The following DRC9 variants were observed in gnomAD, a reference collection of about 807,000 sequenced individuals.
DRC9 encodes the protein dynein regulatory complex subunit 9.
At chr3:197,941,156 CTCCT>C in the DRC9 span, among the ~76,000 whole-genome samples, 4 of 147,304 alleles carry the variant, frequency 2.7e-5, no homozygotes, top group Admixed American at 6.8e-5. Flanking sequence ...CCCTCCCTCC[CTCCT>C]TCCTCTCTCT....
the DRC9 span, chr3:197,957,010 T>C: frequency 6.6e-6 from 1 of 152,166 alleles, no homozygotes; most frequent in African/African-American, 2.4e-5. Context: ...TTTTGCAGCG[T>C]GTATGGGTTC....
chr3:197,950,367 G>C, the DRC9 span: 1 of 1,212,474 alleles, frequency 8.2e-7, no homozygotes. Context: ...ACAGGATGGA[G>C]GAGATGTTGG....
At chr3:197,950,586 G>A in the DRC9 span, 3 of 357,128 alleles carry the variant, frequency 8.4e-6, no homozygotes, top group African/African-American at 4.2e-5. Flanking sequence ...CCCAGCCATT[G>A]CATAAAAGTC....
At chr3:197,917,053 C>T in the DRC9 span, among the ~76,000 whole-genome samples, 1 of 152,194 alleles carries the variant, frequency 6.6e-6, no homozygotes, top group Non-Finnish European at 1.5e-5. Context: ...GGGTGGCTCA[C>T]GCCTGTAATT....
chr3:197,907,442 A>T, the DRC9 span, among the ~76,000 whole-genome samples: 1 of 152,058 alleles, frequency 6.6e-6, no homozygotes, highest in Non-Finnish European at 1.5e-5. Context: ...TGAAATCCAG[A>T]CTCTCTGGTA....
chr3:197,900,417 C>G, the DRC9 span, among the ~76,000 whole-genome samples: 29 of 152,154 alleles, frequency 1.9e-4, no homozygotes, highest in Non-Finnish European at 2.5e-4. The surrounding 1 kb of genome is among the most constrained non-coding windows in gnomAD (Gnocchi z 4.7). Context: ...TCTTGGATAC[C>G]AGCTCAGCCA....
At chr3:197,905,037 T>G in the DRC9 span, among the ~76,000 whole-genome samples, 1 of 152,020 alleles carries the variant, frequency 6.6e-6, no homozygotes, top group Non-Finnish European at 1.5e-5. Context: ...ATTAAAACAA[T>G]TGAACTCATG....
chr3:197,920,335 G>A, the DRC9 span, among the ~76,000 whole-genome samples: 1 of 140,086 alleles, frequency 7.1e-6, no homozygotes, highest in Non-Finnish European at 1.5e-5. Flanking sequence ...TAGTTACTTG[G>A]GAAGCTGAGG....
the DRC9 span, chr3:197,892,623 C>T: frequency 1.6e-5 from 26 of 1,613,936 alleles, no homozygotes; most frequent in Non-Finnish European, 2.2e-5. Context: ...TAATTCCTTC[C>T]TTACCATCTT....
At chr3:197,911,991 T>G in the DRC9 span, among the ~76,000 whole-genome samples, 1 of 151,632 alleles carries the variant, frequency 6.6e-6, no homozygotes, top group African/African-American at 2.4e-5. Context: ...TGGGAAAAAT[T>G]TTTAAATATA....
the DRC9 span, chr3:197,913,345 C>CGTGCGTGA: frequency 4.4e-6 from 1 of 225,512 alleles, no homozygotes; most frequent in Non-Finnish European, 8.6e-6. Flanking sequence ...TGCGTGCGTG[C>CGTGCGTGA]GTGTGTGCGT....
the DRC9 span, among the ~76,000 whole-genome samples, chr3:197,907,738 T>C: frequency 5.5e-4 from 83 of 152,074 alleles, no homozygotes; most frequent in Non-Finnish European, 7.5e-4. Flanking sequence ...TCCTCCCAGA[T>C]GAAGTTATCA....
At chr3:197,923,559 G>T in the DRC9 span, among the ~76,000 whole-genome samples, 1 of 151,998 alleles carries the variant, frequency 6.6e-6, no homozygotes, top group South Asian at 2.1e-4. Flanking sequence ...GTGAAACCCT[G>T]TCTGTATCAA....
chr3:197,906,183 A>G, the DRC9 span, among the ~76,000 whole-genome samples: 2 of 152,174 alleles, frequency 1.3e-5, no homozygotes, highest in African/African-American at 4.8e-5. Flanking sequence ...ACACGACAGG[A>G]GGGCGTCTCA....
chr3:197,898,252 G>T, the DRC9 span, among the ~76,000 whole-genome samples: 1 of 152,030 alleles, frequency 6.6e-6, no homozygotes, highest in African/African-American at 2.4e-5. Context: ...AGTTACAAAG[G>T]AAATAACAAA....
At chr3:197,937,081 A>C in the DRC9 span, among the ~76,000 whole-genome samples, 1 of 152,248 alleles carries the variant, frequency 6.6e-6, no homozygotes, top group Non-Finnish European at 1.5e-5. Flanking sequence ...GGCAACGTAT[A>C]AACAAATGGG....
At chr3:197,889,855 A>G in the DRC9 span, 2 of 955,260 alleles carry the variant, frequency 2.1e-6, no homozygotes, top group African/African-American at 1.6e-5. Flanking sequence ...CCAGGCACGT[A>G]ATCACTTCAG....
the DRC9 span, among the ~76,000 whole-genome samples, chr3:197,894,107 A>G: frequency 6.6e-6 from 1 of 152,224 alleles, no homozygotes; most frequent in African/African-American, 2.4e-5. Context: ...CAAAGTAGGC[A>G]GGATAGTCTA....
the DRC9 span, among the ~76,000 whole-genome samples, chr3:197,933,099 T>C: frequency 1.8e-5 from 2 of 109,828 alleles, no homozygotes; most frequent in Admixed American, 1.9e-4. Flanking sequence ...ATTATACATA[T>C]ATATATATAA....
Sources: gnomAD v4.1 joint callset for allele counts (sites outside exome capture counted in the v4.1 genomes callset) on GRCh38, gnomAD v4.1.1 for gene constraint, Gnocchi (gnomAD v3.1) non-coding constraint, MANE v1.5 for transcripts, NCBI Gene and HGNC (gene_info 2026-07-23, HGNC 2026-07-21) for gene names.